The following BRIP1 variants were observed in gnomAD, a reference collection of about 807,000 sequenced individuals.
BRIP1 encodes BRCA1 interacting DNA helicase 1.
Under a neutral mutation model 119.7 loss-of-function variants are expected in BRIP1, and 88 were observed. That is an observed-to-expected ratio of 0.74 (90% CI 0.62 to 0.88). The LOEUF (loss-of-function observed/expected upper bound fraction) is 0.88, where lower values mean the gene tolerates loss of function less well. Ranked by LOEUF, BRIP1 falls within the 40% of genes least tolerant of loss-of-function variation. The probability of loss-of-function intolerance (pLI) is 0.00; values close to 1 mark genes in which losing one functional copy is unlikely to be tolerated. For missense variants in BRIP1, 1,259 were observed against 1,455.4 expected (o/e 0.87, Z 2.20); for synonymous variants, 443 against 496.5 (o/e 0.89, Z 1.43).
At chr17:61,727,529 G>A (rs570861962) in intron 16 of BRIP1, among the ~76,000 whole-genome samples, 1 of 152,196 alleles carries the variant, frequency 6.6e-6, no homozygotes, top group East Asian at 1.9e-4. Flanking sequence ...CACTTTGGGA[G>A]GATGAGGCAG....
rs556321304 is a variant in BRIP1, at chr17:61,845,387, G to A, written c.627+1714C>T. ...GCATCATTTTGCAATATCATGCACT[G>A]GTCATTTAAATAATATTTAGTTCGC... On this transcript the variant is annotated intron_variant, in intron 6 of 19. Transcript: ENST00000259008. The surrounding 1 kb of genome is among the most constrained non-coding windows in gnomAD (Gnocchi z 4.2). Among the ~76,000 whole-genome samples, 1 of 152,190 alleles carries A rather than the reference G, an allele frequency of 6.6e-6. No individual in the cohort carries two copies. Among genetic ancestry groups the A allele is most frequent in the Non-Finnish European group, 1.5e-5 (1 of 67,990 alleles).
intron 4 of BRIP1, among the ~76,000 whole-genome samples, chr17:61,850,831 A>C (rs1434300619): frequency 4.0e-5 from 6 of 150,100 alleles, no homozygotes; most frequent in Non-Finnish European, 7.4e-5. Context: ...TATGTCTCCA[A>C]AAAAAAAAGA....
At position 61,708,574 on chromosome 17, in the gene BRIP1, C is replaced by G. The variant is rs2061727979; in HGVS notation, c.2492+7377G>C. Among the ~76,000 whole-genome samples, 2 of 152,138 alleles carry G rather than the reference C, an allele frequency of 1.3e-5. No individual in the cohort carries two copies. The highest frequency in any genetic ancestry group is 1.3e-4 in the Admixed American group (2 of 15,266). ...CTTGTTCTAGTCTGTTGTGTTGTTT[C>G]TATTTTCTCAGAGTTCTTCTGCTGT... On this transcript the variant is annotated intron_variant, in intron 17 of 19. Coordinates refer to ENST00000259008, the MANE Select transcript of BRIP1 (RefSeq NM_032043.3). The surrounding 1 kb of genome is among the most constrained non-coding windows in gnomAD (Gnocchi z 4.4).
chr17:61,683,395 C>T lies in BRIP1; in HGVS notation c.3651G>A (p.Trp1217Ter), dbSNP rs542698396. The T allele has an allele frequency of 1.5e-5, 25 of 1,613,158 alleles. No homozygotes were observed. Among genetic ancestry groups the T allele is most frequent in the African/African-American group, 5.3e-5 (4 of 74,858 alleles). The change falls in exon 20 of 20, where the codon TGG becomes TGA. Residue 1217 changes from tryptophan to a stop codon, truncating the protein, a stop_gained. Coordinates refer to ENST00000259008, the MANE Select transcript of BRIP1 (RefSeq NM_032043.3). LOFTEE classifies it low-confidence loss of function (END_TRUNC). This position sits in a 1 kb window ranked among gnomAD's most constrained non-coding sequence, Gnocchi z 4.7. The part of the protein sequence containing the change: ...DDIDGNVKTT[W>*]INELELGKTH... ...TTTTTCCCAGTTCCAGTTCATTTAT[C>T]CAAGTTGTTTTTACATTACCATCAA...
In BRIP1 at chr17:61,843,719, T is replaced by C. The variant is rs2078689737; in HGVS notation, c.627+3382A>G. On this transcript the variant is annotated intron_variant, in intron 6 of 19. Transcript: ENST00000259008. This position sits in a 1 kb window ranked among gnomAD's most constrained non-coding sequence, Gnocchi z 5.7. ...TGAGGCCCTCACCAGAAGCAGATGC[T>C]GACACCATGCTTCCTGCACAGCCTA... 6.6e-6 allele frequency among the ~76,000 whole-genome samples: 1 copy of C among 152,198 alleles called. No homozygotes were observed. Among genetic ancestry groups the C allele is most frequent in the African/African-American group, 2.4e-5 (1 of 41,440 alleles).
At position 61,842,071 on chromosome 17, in the gene BRIP1, G is replaced by A. The variant is rs1156888197; in HGVS notation, c.627+5030C>T. On this transcript the variant is annotated intron_variant, in intron 6 of 19. Coordinates refer to ENST00000259008, the MANE Select transcript of BRIP1 (RefSeq NM_032043.3). The surrounding 1 kb of genome is among the most constrained non-coding windows in gnomAD (Gnocchi z 5.1). ...CAACAGATGAATGGATAAAGAAAAT[G>A]TGACACATATACACAATGGAATATT... 6.6e-6 allele frequency among the ~76,000 whole-genome samples: 1 copy of A among 152,124 alleles called. No individual in the cohort carries two copies. The highest frequency in any genetic ancestry group is 1.9e-4 in the East Asian group (1 of 5,194).
Position 61,798,651 on chromosome 17 carries a change from T to C in BRIP1, c.1340+449A>G, listed in dbSNP as rs1239126376. On this transcript the variant is annotated intron_variant, in intron 9 of 19. Transcript: ENST00000259008. This position sits in a 1 kb window ranked among gnomAD's most constrained non-coding sequence, Gnocchi z 5.5. Reference sequence around the variant, plus strand: ...CTAATAAAAGAAAAATTAGTGTAAATTGTCATAAAGCTAGTACTAAATATA... The same window carrying C: ...CTAATAAAAGAAAAATTAGTGTAAACTGTCATAAAGCTAGTACTAAATATA... Among the ~76,000 whole-genome samples the C allele has an allele frequency of 6.6e-6, 1 of 151,942 alleles. No individual in the cohort carries two copies. The highest frequency in any genetic ancestry group is 2.4e-5 in the African/African-American group (1 of 41,404).
chr17:61,800,312 G>GA (rs1157445530), intron 8 of BRIP1, among the ~76,000 whole-genome samples: 2 of 152,114 alleles, frequency 1.3e-5, no homozygotes, highest in Non-Finnish European at 2.9e-5. Context: ...GAAAAGTTGA[G>GA]AAAAAACCAT....
chr17:61,726,536 A>G lies in BRIP1; in HGVS notation c.2380-10473T>C, dbSNP rs1279156058. On this transcript the variant is annotated intron_variant, in intron 16 of 19. Transcript: ENST00000259008. The surrounding 1 kb of genome is among the most constrained non-coding windows in gnomAD (Gnocchi z 6.2). ...TTCCTTCTGAAAGAGCTCTGACTAC[A>G]TTATTCAATGTTTGGCACATAACTT... Among the ~76,000 whole-genome samples, 1 of 152,182 alleles carries G rather than the reference A, an allele frequency of 6.6e-6. No individual in the cohort carries two copies. Among genetic ancestry groups the G allele is most frequent in the African/African-American group, 2.4e-5 (1 of 41,446 alleles).
At chr17:61,728,891 G>A (rs1005415906) in intron 16 of BRIP1, among the ~76,000 whole-genome samples, 1 of 151,984 alleles carries the variant, frequency 6.6e-6, no homozygotes, top group South Asian at 2.1e-4. Context: ...TGTATTGAGA[G>A]GCATGGCACA....
chr17:61,802,963 CTTGTT>C lies in BRIP1; in HGVS notation c.919-1494_919-1490del, dbSNP rs938556037. Among the ~76,000 whole-genome samples the C allele has an allele frequency of 1.3e-5, 2 of 152,096 alleles. No homozygotes were observed. Among genetic ancestry groups the C allele is most frequent in the African/African-American group, 4.8e-5 (2 of 41,412 alleles). ...CTATCTTAAAAGTAAAAAATAGAAT[CTTGTT>C]TTGATTTGTATTTTTTATAGTTTCT... On this transcript the variant is annotated intron_variant, in intron 7 of 19. Transcript: ENST00000259008. The surrounding 1 kb of genome is among the most constrained non-coding windows in gnomAD (Gnocchi z 6.0).
Position 61,736,091 on chromosome 17 carries a change from T to C in BRIP1, c.2379+6922A>G, listed in dbSNP as rs2076914456. 6.6e-6 allele frequency among the ~76,000 whole-genome samples: 1 copy of C among 151,914 alleles called. No homozygotes were observed. The highest frequency in any genetic ancestry group is 1.5e-5 in the Non-Finnish European group (1 of 67,984). On this transcript the variant is annotated intron_variant, in intron 16 of 19. Coordinates refer to ENST00000259008, the MANE Select transcript of BRIP1 (RefSeq NM_032043.3). This position sits in a 1 kb window ranked among gnomAD's most constrained non-coding sequence, Gnocchi z 4.4. ...CTATAATCCCAGCACTTTGGGAGGC[T>C]GAGGTCTGAGCATCCCTTAAGGCCA...
At chr17:61,838,204 T>C (rs2145674253) in intron 6 of BRIP1, among the ~76,000 whole-genome samples, 1 of 152,216 alleles carries the variant, frequency 6.6e-6, no homozygotes, top group South Asian at 2.1e-4. Flanking sequence ...CTGTACTCCC[T>C]AGTATCATAT....
At position 61,780,917 on chromosome 17, in the gene BRIP1, G is replaced by C. The variant is rs786202587; in HGVS notation, c.1717C>G (p.Leu573Val). Residue 573 changes from leucine (L) to valine (V), a missense_variant, in exon 12 of 20, where the codon CTA becomes GTA. This residue lies in a region of BRIP1 where 753 missense variants were observed against 891.8 expected (regional missense o/e 0.84). Transcript: ENST00000259008. This position sits in a 1 kb window ranked among gnomAD's most constrained non-coding sequence, Gnocchi z 5.4. ...CGTGAACGTTTCTTATTTTTTGGTA[G>C]AACCAACAACCCATTTTTGTCTGAA... is the stretch of plus-strand genomic sequence containing the variant. ...DISDKNGLLV[L>V]PKNKKRSRQK... 3.7e-6 allele frequency: 6 copies of C among 1,614,068 alleles called. No homozygotes were observed. The highest frequency in any genetic ancestry group is 5.1e-6 in the Non-Finnish European group (6 of 1,179,984).
chr17:61,752,220 C>T lies in BRIP1; in HGVS notation c.2098-7629G>A, dbSNP rs1342091462. Among the ~76,000 whole-genome samples the T allele has an allele frequency of 2.6e-5, 4 of 152,016 alleles. No homozygotes were observed. The East Asian group carries it at 7.7e-4, about 29-fold the overall frequency. On this transcript the variant is annotated intron_variant, in intron 14 of 19. Transcript: ENST00000259008. This position sits in a 1 kb window ranked among gnomAD's most constrained non-coding sequence, Gnocchi z 6.2. ...ACAAATATAAAATATAAAAATTAAA[C>T]AACATTAGTCTGATTATTAATATGA...
chr17:61,838,240 T>C (rs939598074), intron 6 of BRIP1, among the ~76,000 whole-genome samples: 1 of 152,066 alleles, frequency 6.6e-6, no homozygotes, highest in African/African-American at 2.4e-5. Flanking sequence ...AGGAAAAGCG[T>C]CCTTAGAATT....
rs774960987 is a variant in BRIP1 at position 61,856,333 on chromosome 17, G to T, written c.379+725C>A. Among the ~76,000 whole-genome samples the T allele has an allele frequency of 6.6e-6, 1 of 152,132 alleles. No individual in the cohort carries two copies. The highest frequency in any genetic ancestry group is 1.5e-5 in the Non-Finnish European group (1 of 68,026). ...CAATCATGGCAACCTCTGTCTCCCT[G>T]CCAGTGACTGGTAAAGGAATAGCAT... is the stretch of plus-strand genomic sequence containing the variant. On this transcript the variant is annotated intron_variant, in intron 4 of 19. Transcript: ENST00000259008. The surrounding 1 kb of genome is among the most constrained non-coding windows in gnomAD (Gnocchi z 5.1).
chr17:61,778,330 G>C lies in BRIP1; in HGVS notation c.1936-1768C>G, dbSNP rs1414598790. ...AGAATGGTAGTTACCAGGAGCTGAG[G>C]AGAGGGGGAGAATAGAGAGCTGTTG... On this transcript the variant is annotated intron_variant, in intron 13 of 19. Coordinates refer to ENST00000259008, the MANE Select transcript of BRIP1 (RefSeq NM_032043.3). The surrounding 1 kb of genome is among the most constrained non-coding windows in gnomAD (Gnocchi z 4.4). 6.6e-6 allele frequency among the ~76,000 whole-genome samples: 1 copy of C among 152,162 alleles called. No individual in the cohort carries two copies. The highest frequency in any genetic ancestry group is 1.9e-4 in the East Asian group (1 of 5,194).
In BRIP1 at chr17:61,846,995, T is replaced by C; in HGVS notation, c.627+106A>G. On this transcript the variant is annotated intron_variant, in intron 6 of 19. Coordinates refer to ENST00000259008, the MANE Select transcript of BRIP1 (RefSeq NM_032043.3). The surrounding 1 kb of genome is among the most constrained non-coding windows in gnomAD (Gnocchi z 4.3). ...CAGCATTGAGGACTTCTGAGTGGGTTGCTACTGTCCTTTGTATTATACTAT... is the reference window on the plus strand; with the variant it reads ...CAGCATTGAGGACTTCTGAGTGGGTCGCTACTGTCCTTTGTATTATACTAT... 2.1e-6 allele frequency: 3 copies of C among 1,396,934 alleles called. No individual in the cohort carries two copies. The highest frequency in any genetic ancestry group is 3.0e-6 in the Non-Finnish European group (3 of 1,000,846). The allele number at this position is 1,396,934 out of a possible 1,614,324, so 86.5% of individuals were successfully genotyped here.
Sources: allele counts gnomAD v4.1 joint callset (sites outside exome capture counted in the v4.1 genomes callset), GRCh38; gene constraint gnomAD v4.1.1; regional missense constraint gnomAD v4.1.1; non-coding constraint Gnocchi (gnomAD v3.1); transcripts MANE v1.5; gene names NCBI Gene and HGNC (gene_info 2026-07-23, HGNC 2026-07-21).